ZNF814: variants seen among roughly 807,000 people sequenced by gnomAD.
ZNF814 encodes zinc finger protein 814.
A neutral mutation model predicts 7.5 loss-of-function variants in ZNF814; 5 were observed. That is an observed-to-expected ratio of 0.67 (90% CI 0.35 to 1.40). ZNF814 has a LOEUF of 1.40. ZNF814 is among the 40% of genes most tolerant of loss of function. ZNF814 has a pLI of 0.04. For missense variants in ZNF814, 962 were observed against 1,018.0 expected, an observed-to-expected ratio of 0.94 and a Z score of 0.75; for synonymous variants, 315 against 340.7, an observed-to-expected ratio of 0.92 and a Z score of 0.83.
chr19:57,897,888 G>T, the ZNF814 span, among the ~76,000 whole-genome samples: 1 of 152,186 alleles, frequency 6.6e-6, no homozygotes, highest in Admixed American at 6.5e-5. Flanking sequence ...CCAGGAAAAA[G>T]AATTGCTCAG....
At chr19:57,899,844 T>G in the ZNF814 span, among the ~76,000 whole-genome samples, 1 of 152,164 alleles carries the variant, frequency 6.6e-6, no homozygotes, top group African/African-American at 2.4e-5. Flanking sequence ...CAGATCAAAT[T>G]GCTGTACTAA....
the ZNF814 span, among the ~76,000 whole-genome samples, chr19:57,900,928 G>A: frequency 7.5e-6 from 1 of 133,276 alleles, no homozygotes; most frequent in Non-Finnish European, 1.5e-5. Context: ...TTCACTGCAA[G>A]CTCCGCCTCC....
intron 1 of ZNF814, among the ~76,000 whole-genome samples, chr19:57,886,654 G>A (rs1290529228): frequency 2.6e-5 from 4 of 151,914 alleles, no homozygotes; most frequent in African/African-American, 4.8e-5. Flanking sequence ...CGAGGCGAGC[G>A]GATTGCCTGA....
rs1052469806 is a variant in ZNF814 at position 57,870,105 on chromosome 19, T to G, written c.*2717A>C. 1.3e-5 allele frequency: 2 copies of G among 152,058 alleles called. No homozygotes were observed. The highest frequency in any genetic ancestry group is 4.8e-5 in the African/African-American group (2 of 41,372). The allele number at this position is 152,058 out of a possible 1,614,324, so 9.4% of individuals were successfully genotyped here. On this transcript the variant is annotated 3_prime_UTR_variant, in exon 3 of 3. Transcript: ENST00000435989. ...GATACAAAAAATTAGCTGGGTATGG[T>G]GGCGGGCACCTGTAGTCCCAGCTAC...
At chr19:57,876,577 G>C in intron 2 of ZNF814, 1 of 408,016 alleles carries the variant, frequency 2.5e-6, no homozygotes, top group Non-Finnish European at 4.3e-6. Flanking sequence ...CCTGCCACAG[G>C]AAGGCATAAG....
chr19:57,873,616 T>A lies in ZNF814; in HGVS notation c.1774A>T (p.Arg592Trp). Residue 592 changes from arginine to tryptophan, a missense_variant, in exon 3 of 3, where the codon AGG becomes TGG. By Grantham distance (101) the Arg-to-Trp change is moderately radical. This residue lies in a region of ZNF814 where 665 missense variants were observed against 551.4 expected (regional missense o/e 1.21). Coordinates refer to ENST00000435989, the MANE Select transcript of ZNF814 (RefSeq NM_001144989.2). Reference sequence around the variant, plus strand: ...CCAGTATGAACGCGCTGATGGCTCCTAAGGTGCCCGATTGAACTAAAAGAT... The same window carrying A: ...CCAGTATGAACGCGCTGATGGCTCCAAAGGTGCCCGATTGAACTAAAAGAT... ...GKSFSSIGHL[R>W]SHQRVHTGER... 1 of 1,613,386 alleles carries A rather than the reference T, an allele frequency of 6.2e-7. No individual in the cohort carries two copies. Among genetic ancestry groups the A allele is most frequent in the Non-Finnish European group, 8.5e-7 (1 of 1,179,848 alleles).
the ZNF814 span, among the ~76,000 whole-genome samples, chr19:57,899,192 C>T: frequency 6.6e-6 from 1 of 152,300 alleles, no homozygotes; most frequent in African/African-American, 2.4e-5. Flanking sequence ...TTGGAAAGTA[C>T]TCCCACAAGG....
In ZNF814 at chr19:57,874,008, T is replaced by C. The variant is rs747834837; in HGVS notation, c.1382A>G (p.Glu461Gly). Residue 461 changes from glutamate to glycine, a missense_variant, in exon 3 of 3, where the codon GAA becomes GGA. By Grantham distance (98) the Glu-to-Gly change is moderately conservative (BLOSUM62 -2). Coordinates refer to ENST00000435989, the MANE Select transcript of ZNF814 (RefSeq NM_001144989.2). ...LRSHQRVHAGERPFKCGECVK... is the reference protein window; with the variant it reads ...LRSHQRVHAGGRPFKCGECVK... ...ACATTCTCCACACTTGAAAGGTCTTTCTCCGGCGTGAACTCGTTGATGGCT... is the reference window on the plus strand; with the variant it reads ...ACATTCTCCACACTTGAAAGGTCTTCCTCCGGCGTGAACTCGTTGATGGCT... 1.4e-5 allele frequency: 22 copies of C among 1,613,902 alleles called. No homozygotes were observed. In the South Asian group the frequency reaches 2.3e-4, roughly 17 times the overall value.
At position 57,870,424 on chromosome 19, in the gene ZNF814, C is replaced by T. The variant is rs930527712; in HGVS notation, c.*2398G>A. Reference sequence around the variant, plus strand: ...TGATGTGGCACTAAGGCCATTTCCACCTGATTAAGTGGCTGGCTGGTCACA... The same window carrying T: ...TGATGTGGCACTAAGGCCATTTCCATCTGATTAAGTGGCTGGCTGGTCACA... On this transcript the variant is annotated 3_prime_UTR_variant, in exon 3 of 3. Coordinates refer to ENST00000435989, the MANE Select transcript of ZNF814 (RefSeq NM_001144989.2). 6.6e-6 allele frequency: 1 copy of T among 152,134 alleles called. No homozygotes were observed. The highest frequency in any genetic ancestry group is 2.4e-5 in the African/African-American group (1 of 41,432). The allele number at this position is 152,134 out of a possible 1,614,324, so 9.4% of individuals were successfully genotyped here. A position where few individuals can be genotyped will look rare whatever the true frequency, so the allele number is the denominator to read the frequency against.
the ZNF814 span, among the ~76,000 whole-genome samples, chr19:57,894,907 A>G: frequency 7.9e-5 from 12 of 152,284 alleles, no homozygotes; most frequent in African/African-American, 2.9e-4. Flanking sequence ...CCAAACCTGA[A>G]TACGCAATTT....
the ZNF814 span, among the ~76,000 whole-genome samples, chr19:57,896,231 G>A: frequency 6.6e-6 from 1 of 151,574 alleles, no homozygotes; most frequent in Non-Finnish European, 1.5e-5. The surrounding 1 kb of genome is among the most constrained non-coding windows in gnomAD (Gnocchi z 4.2). Context: ...TAAAGAAGGA[G>A]CCAAAATTCC....
At chr19:57,903,144 C>T in the ZNF814 span, among the ~76,000 whole-genome samples, 1 of 152,090 alleles carries the variant, frequency 6.6e-6, no homozygotes, top group Admixed American at 6.6e-5. Flanking sequence ...GAGGCATCAC[C>T]GTCCATTCAC....
chr19:57,890,479 G>T (rs915100434), upstream of ZNF814, among the ~76,000 whole-genome samples: 1 of 151,986 alleles, frequency 6.6e-6, no homozygotes, highest in Non-Finnish European at 1.5e-5. Context: ...AGGATAATTT[G>T]GTAGATAGGG....
At chr19:57,893,242 C>T (rs1484683316), upstream of ZNF814, among the ~76,000 whole-genome samples, 7 of 137,716 alleles carry the variant, frequency 5.1e-5, no homozygotes, top group East Asian at 8.5e-4. Flanking sequence ...GGTGTGATTT[C>T]GGCTCACTGC....
chr19:57,876,853 A>G lies in ZNF814; in HGVS notation c.163+63T>C, dbSNP rs778287681. ...CTCCTGACATGAGAAAGTCTTACCA[A>G]TGGGGAAAGATAGGGGAAAACAGAG... is the stretch of plus-strand genomic sequence containing the variant. On this transcript the variant is annotated intron_variant, in intron 2 of 2. Coordinates refer to ENST00000435989, the MANE Select transcript of ZNF814 (RefSeq NM_001144989.2). 3.7e-6 allele frequency: 6 copies of G among 1,600,854 alleles called. No individual in the cohort carries two copies. In the Admixed American group the frequency reaches 1.0e-4, roughly 27 times the overall value.
intron 1 of ZNF814, among the ~76,000 whole-genome samples, chr19:57,877,277 G>A (rs903290996): frequency 6.6e-6 from 1 of 152,050 alleles, no homozygotes; most frequent in Non-Finnish European, 1.5e-5. Flanking sequence ...TCCCTAGTAT[G>A]GCCAAGGTCA....
At chr19:57,895,687 C>T in the ZNF814 span, among the ~76,000 whole-genome samples, 1 of 152,130 alleles carries the variant, frequency 6.6e-6, no homozygotes, top group Non-Finnish European at 1.5e-5. Context: ...AGGTGCCCCA[C>T]CACTTACCCA....
rs770539340 is a variant in ZNF814, at chr19:57,873,213, C to T, written c.2177G>A (p.Arg726Lys). The T allele has an allele frequency of 1.5e-5, 24 of 1,611,870 alleles. No homozygotes were observed. Among genetic ancestry groups the T allele is most frequent in the Middle Eastern group, 1.6e-4 (1 of 6,076 alleles). The stretch of plus-strand genomic sequence containing the variant: ...ATGTGCAATGAGTTGGTACTTGTTT[C>T]TAAAAAATTTCTGACAAGCTTCACA... ...YACEACQKFF[R>K]NKYQLIAHQR... is the part of the protein sequence containing the mutation. Residue 726 changes from arginine to lysine, a missense_variant, in exon 3 of 3, where the codon AGA becomes AAA. Physicochemically the swap from Arg to Lys is conservative, Grantham distance 26. Coordinates refer to ENST00000435989, the MANE Select transcript of ZNF814 (RefSeq NM_001144989.2).
intron 1 of ZNF814, among the ~76,000 whole-genome samples, chr19:57,885,397 G>A (rs139462191): frequency 6.6e-6 from 1 of 151,612 alleles, no homozygotes; most frequent in African/African-American, 2.4e-5. Context: ...TCGGGAGGCT[G>A]AGGTGGGTGG....
Sources: allele counts gnomAD v4.1 joint callset (sites outside exome capture counted in the v4.1 genomes callset), GRCh38; gene constraint gnomAD v4.1.1; regional missense constraint gnomAD v4.1.1; non-coding constraint Gnocchi (gnomAD v3.1); transcripts MANE v1.5; gene names NCBI Gene and HGNC (gene_info 2026-07-23, HGNC 2026-07-21).